RASAL2: variants seen among roughly 807,000 people sequenced by gnomAD.
The protein encoded by RASAL2 is ras GTPase-activating protein nGAP.
In RASAL2, 58 loss-of-function variants were observed where a neutral mutation model predicts 128.9. The ratio of observed to expected loss-of-function variants is 0.45; its 90% CI spans 0.36 to 0.56. The LOEUF (loss-of-function observed/expected upper bound fraction) is 0.56, where lower values mean the gene tolerates loss of function less well. Among genes scored for constraint, RASAL2 ranks in the 20% least tolerant of loss-of-function variants. The pLI is 0.00. For missense variants in RASAL2, 1,360 were observed against 1,601.6 expected (o/e 0.85, Z 2.57); for synonymous variants, 561 against 580.8 (o/e 0.97, Z 0.49).
chr1:178,365,192 A>G (rs1671333974), intron 3 of RASAL2, among the ~76,000 whole-genome samples: 1 of 152,090 alleles, frequency 6.6e-6, no homozygotes, highest in Non-Finnish European at 1.5e-5. Context: ...GTGGCTTTGC[A>G]TGTCTAAGTA....
chr1:178,320,652 C>T (rs953264491), intron 3 of RASAL2, among the ~76,000 whole-genome samples: 2 of 152,172 alleles, frequency 1.3e-5, no homozygotes, highest in Non-Finnish European at 2.9e-5. Flanking sequence ...TGCTTTGGCT[C>T]GCACACGGTG....
chr1:178,151,391 T>G (rs1199172026), intron 1 of RASAL2, among the ~76,000 whole-genome samples: 1 of 152,048 alleles, frequency 6.6e-6, no homozygotes, highest in Non-Finnish European at 1.5e-5. Flanking sequence ...CGCAACAGAG[T>G]GAGACTCTGT....
At chr1:178,214,597 C>T (rs1454555747) in intron 1 of RASAL2, among the ~76,000 whole-genome samples, 4 of 148,814 alleles carry the variant, frequency 2.7e-5, no homozygotes, top group South Asian at 4.3e-4. Context: ...CTCGCTCTGT[C>T]GCCCAGGCTG....
At chr1:178,219,256 T>C (rs1257937055) in intron 1 of RASAL2, among the ~76,000 whole-genome samples, 1 of 152,226 alleles carries the variant, frequency 6.6e-6, no homozygotes, top group Non-Finnish European at 1.5e-5. Flanking sequence ...TAAGGAAATA[T>C]AGCTGGTTTG....
chr1:178,095,668 G>C (rs908266968), intron 1 of RASAL2, among the ~76,000 whole-genome samples: 25 of 152,144 alleles, frequency 1.6e-4, no homozygotes, highest in African/African-American at 5.3e-4. Flanking sequence ...TCATCTTTCT[G>C]AACAGGGTAT....
intron 3 of RASAL2, among the ~76,000 whole-genome samples, chr1:178,361,458 A>G (rs1671103032): frequency 6.6e-6 from 1 of 152,172 alleles, no homozygotes; most frequent in African/African-American, 2.4e-5. Context: ...TAATGTATAC[A>G]TTCTCCATAG....
chr1:178,408,602 G>A (rs866376641), intron 4 of RASAL2, among the ~76,000 whole-genome samples: 1 of 141,570 alleles, frequency 7.1e-6, no homozygotes, highest in Admixed American at 6.9e-5. Flanking sequence ...TGTTTGGTTG[G>A]TTTTTTTTTG....
chr1:178,322,882 A>G (rs1320648994), intron 3 of RASAL2, among the ~76,000 whole-genome samples: 1 of 152,116 alleles, frequency 6.6e-6, no homozygotes, highest in Admixed American at 6.5e-5. Context: ...TTTACCCACC[A>G]CAGGTATGTA....
Position 178,452,632 on chromosome 1 carries a change from G to C in RASAL2, c.1989G>C (p.Gln663His). The C allele has an allele frequency of 6.2e-7, 1 of 1,613,576 alleles. No individual in the cohort carries two copies. The highest frequency in any genetic ancestry group is 8.5e-7 in the Non-Finnish European group (1 of 1,179,552). The stretch of plus-strand genomic sequence containing the variant: ...TAACTCTTATTGCCAAGGTCATTCA[G>C]AACCTGGCCAACTTTGCCAAGTAGG... ...RTLTLIAKVI[Q>H]NLANFAKFGN... The change falls in exon 11 of 18, where the codon CAG (glutamine) becomes CAC (histidine). Residue 663 changes from glutamine to histidine, a missense_variant. Around this residue, in one of 3 missense-constraint regions of RASAL2, gnomAD observed 741 missense variants for 868.6 expected, o/e 0.85. Coordinates refer to ENST00000367649, the MANE Select transcript of RASAL2 (RefSeq NM_170692.4).
intron 6 of RASAL2, 86 bp from the exon 7 acceptor site, chr1:178,441,463 A>C (rs760296829): frequency 1.4e-4 from 124 of 865,328 alleles, no homozygotes; most frequent in Non-Finnish European, 2.0e-4. Context: ...TTATCATTTA[A>C]GAGTTAGAGG....
At chr1:178,244,295 T>C (rs1015129282) in intron 1 of RASAL2, among the ~76,000 whole-genome samples, 9 of 152,148 alleles carry the variant, frequency 5.9e-5, no homozygotes, top group African/African-American at 2.2e-4. Context: ...CAGGCTGGAC[T>C]GCAGTGGTGC....
intron 1 of RASAL2, among the ~76,000 whole-genome samples, chr1:178,111,843 C>A (rs756695121): frequency 2.0e-5 from 3 of 152,168 alleles, no homozygotes; most frequent in Non-Finnish European, 4.4e-5. Context: ...GATTCTCCCA[C>A]CTCAGCCTCC....
At chr1:178,390,343 A>G in intron 4 of RASAL2, 137 bp downstream of exon 4, 2 of 575,344 alleles carry the variant, frequency 3.5e-6, no homozygotes, top group South Asian at 2.8e-5. Flanking sequence ...TAAAGGATAG[A>G]CTCATCAACT....
chr1:178,121,486 G>A (rs529905841), intron 1 of RASAL2, among the ~76,000 whole-genome samples: 4 of 151,442 alleles, frequency 2.6e-5, no homozygotes, highest in Admixed American at 2.6e-4. Context: ...TTCATCATTG[G>A]TTGTTTTCTT....
chr1:178,325,013 T>A (rs1668970875), intron 3 of RASAL2, among the ~76,000 whole-genome samples: 1 of 152,212 alleles, frequency 6.6e-6, no homozygotes, highest in Non-Finnish European at 1.5e-5. Flanking sequence ...CTGGTTACTT[T>A]TATTTCTGTA....
intron 1 of RASAL2, among the ~76,000 whole-genome samples, chr1:178,171,891 T>C (rs1309619614): frequency 6.6e-6 from 1 of 152,050 alleles, no homozygotes; most frequent in Non-Finnish European, 1.5e-5. Flanking sequence ...CTAATATGTT[T>C]TGAATTAATA....
intron 3 of RASAL2, among the ~76,000 whole-genome samples, chr1:178,313,479 C>T (rs1668355645): frequency 6.6e-6 from 1 of 151,886 alleles, no homozygotes; most frequent in African/African-American, 2.4e-5. Flanking sequence ...TGACTCTAAA[C>T]TGTGTGCACA....
chr1:178,442,006 T>A (rs1256901911), intron 7 of RASAL2, among the ~76,000 whole-genome samples: 3 of 151,346 alleles, frequency 2.0e-5, no homozygotes, highest in Non-Finnish European at 4.4e-5. Flanking sequence ...AGAGAGAGAG[T>A]GTGTGTGTGA....
intron 3 of RASAL2, among the ~76,000 whole-genome samples, chr1:178,346,694 G>C (rs2102421297): frequency 6.6e-6 from 1 of 152,244 alleles, no homozygotes; most frequent in African/African-American, 2.4e-5. Flanking sequence ...TTTTAAAGTA[G>C]CTTTTTAAAA....
Sources: allele counts gnomAD v4.1 joint callset (sites outside exome capture counted in the v4.1 genomes callset), GRCh38; gene constraint gnomAD v4.1.1; regional missense constraint gnomAD v4.1.1; transcripts MANE v1.5; gene names NCBI Gene and HGNC (gene_info 2026-07-23, HGNC 2026-07-21).